The following NRXN1 variants were observed in gnomAD, a reference collection of about 807,000 sequenced individuals.
NRXN1 encodes the protein neurexin 1.
NRXN1 carries 39 observed loss-of-function variants against 150.9 expected under a neutral mutation model. That is an observed-to-expected ratio of 0.26 (90% CI 0.20 to 0.34). NRXN1 has a LOEUF of 0.34. Among genes scored for constraint, NRXN1 ranks in the 10% least tolerant of loss-of-function variants. The pLI is 1.00. For synonymous variants in NRXN1, 924 were observed against 757.0 expected (o/e 1.22, Z -3.62); for missense variants, 1,815 against 1,949.9 (o/e 0.93, Z 1.30).
chr2:50,071,486 C>G (rs1302426594), intron 19 of NRXN1, among the ~76,000 whole-genome samples: 2 of 152,044 alleles, frequency 1.3e-5, no homozygotes, highest in Non-Finnish European at 2.9e-5. Context: ...AGACTGGACA[C>G]ACAAAGAGAC....
At chr2:50,678,873 T>C (rs1363064119) in intron 5 of NRXN1, among the ~76,000 whole-genome samples, 2 of 152,112 alleles carry the variant, frequency 1.3e-5, no homozygotes, top group South Asian at 4.1e-4. Flanking sequence ...TATATTTTAC[T>C]GGTTTTAGAC....
At chr2:50,471,194 C>T (rs1662871418) in intron 16 of NRXN1, among the ~76,000 whole-genome samples, 1 of 151,652 alleles carries the variant, frequency 6.6e-6, no homozygotes, top group Admixed American at 6.6e-5. Flanking sequence ...TTCAGTGAAC[C>T]TGTCACTCAA....
intron 17 of NRXN1, among the ~76,000 whole-genome samples, chr2:50,242,218 C>T (rs2066066154): frequency 6.6e-6 from 1 of 151,698 alleles, no homozygotes; most frequent in Non-Finnish European, 1.5e-5. Context: ...TTTATTCTTT[C>T]TACAACCTTT....
At chr2:50,712,599 C>T (rs1398686235) in intron 5 of NRXN1, among the ~76,000 whole-genome samples, 1 of 152,162 alleles carries the variant, frequency 6.6e-6, no homozygotes, top group African/African-American at 2.4e-5. Flanking sequence ...ACTAATAGAT[C>T]ACACAAAATA....
intron 5 of NRXN1, among the ~76,000 whole-genome samples, chr2:50,813,455 G>A (rs532264671): frequency 1.8e-4 from 27 of 152,082 alleles, no homozygotes; most frequent in African/African-American, 6.5e-4. Flanking sequence ...ATAGCATTAT[G>A]TATTATATTG....
At chr2:50,654,591 T>C (rs918670412) in intron 5 of NRXN1, among the ~76,000 whole-genome samples, 3 of 152,156 alleles carry the variant, frequency 2.0e-5, no homozygotes, top group African/African-American at 7.2e-5. Context: ...TCTAGATCCC[T>C]GAGGAATCGC....
intron 8 of NRXN1, among the ~76,000 whole-genome samples, chr2:50,593,059 C>T (rs1176068279): frequency 1.3e-5 from 2 of 152,238 alleles, no homozygotes; most frequent in African/African-American, 2.4e-5. Context: ...CACCTTGATG[C>T]TCTGCTCTCA....
At chr2:50,483,807 G>A (rs185033384) in intron 15 of NRXN1, among the ~76,000 whole-genome samples, 5 of 152,288 alleles carry the variant, frequency 3.3e-5, no homozygotes, top group African/African-American at 1.2e-4. Context: ...AGAAATGACT[G>A]TTCTGGAAAT....
intron 2 of NRXN1, among the ~76,000 whole-genome samples, chr2:50,971,841 A>G (rs900610188): frequency 6.6e-6 from 1 of 152,116 alleles, no homozygotes. Flanking sequence ...ACGCATTTAC[A>G]GGACAATTAT....
chr2:50,189,478 A>G (rs1051487816), intron 18 of NRXN1, among the ~76,000 whole-genome samples: 2 of 152,222 alleles, frequency 1.3e-5, no homozygotes, highest in East Asian at 3.9e-4. Flanking sequence ...ACAAACCTGC[A>G]TGTTCTGCAC....
At chr2:50,356,787 C>T (rs954506663) in intron 17 of NRXN1, among the ~76,000 whole-genome samples, 14 of 152,244 alleles carry the variant, frequency 9.2e-5, no homozygotes, top group Middle Eastern at 3.4e-3. Flanking sequence ...ATATTTAACA[C>T]GACAGGTATT....
chr2:50,113,917 A>T (rs4971556), intron 18 of NRXN1, among the ~76,000 whole-genome samples: 41,837 of 152,046 alleles, frequency 0.28, 6,171 homozygotes, highest in Admixed American at 0.4. Flanking sequence ...CTATGTACAC[A>T]GGAGACTATG....
intron 17 of NRXN1, among the ~76,000 whole-genome samples, chr2:50,350,407 C>A (rs1388673036): frequency 6.6e-6 from 1 of 152,094 alleles, no homozygotes; most frequent in Non-Finnish European, 1.5e-5. Flanking sequence ...CTAAAAAGAC[C>A]TAAAATAGCG....
chr2:50,084,421 C>A (rs1698481548), intron 19 of NRXN1, among the ~76,000 whole-genome samples: 1 of 152,154 alleles, frequency 6.6e-6, no homozygotes. Flanking sequence ...TGATGGGGGA[C>A]CCTGCGCACT....
At chr2:50,868,401 G>C (rs1677275956) in intron 5 of NRXN1, among the ~76,000 whole-genome samples, 1 of 126,308 alleles carries the variant, frequency 7.9e-6, no homozygotes, top group Admixed American at 8.5e-5. Flanking sequence ...GGAAGGGTGG[G>C]ATGGAGGGAG....
intron 18 of NRXN1, among the ~76,000 whole-genome samples, chr2:50,123,069 C>T (rs1704088587): frequency 6.6e-6 from 1 of 152,158 alleles, no homozygotes; most frequent in African/African-American, 2.4e-5. Flanking sequence ...TTTCAACTTA[C>T]ATTTACCAAT....
intron 17 of NRXN1, among the ~76,000 whole-genome samples, chr2:50,289,052 C>G (rs919662099): frequency 2.6e-5 from 4 of 151,986 alleles, no homozygotes; most frequent in Non-Finnish European, 4.4e-5. Flanking sequence ...CTAGTAGCAA[C>G]TCACAGTATA....
intron 2 of NRXN1, among the ~76,000 whole-genome samples, chr2:51,025,903 TG>T (rs1177568056): frequency 1.3e-5 from 2 of 152,152 alleles, no homozygotes; most frequent in Non-Finnish European, 2.9e-5. Flanking sequence ...CAAAATATAA[TG>T]AAAAACAAAA....
Position 51,001,020 on chromosome 2 carries a change from T to TTACA in NRXN1, c.772+26478_772+26481dup, listed in dbSNP as rs1699974522. On this transcript the variant is annotated intron_variant, in intron 2 of 22. Coordinates refer to ENST00000401669, the MANE Select transcript of NRXN1 (RefSeq NM_001330078.2). ...TTGAGACTTGTAAGGATGTAAGAGC[T>TTACA]TACAACAAAAGAACATAGGAAAGTG... 2.0e-5 allele frequency among the ~76,000 whole-genome samples: 3 copies of TTACA among 151,924 alleles called. No individual in the cohort carries two copies. In the South Asian group the frequency reaches 6.2e-4, roughly 31 times the overall value.
Sources: gnomAD v4.1 joint callset for allele counts (sites outside exome capture counted in the v4.1 genomes callset) on GRCh38, gnomAD v4.1.1 for gene constraint, MANE v1.5 for transcripts, NCBI Gene and HGNC (gene_info 2026-07-23, HGNC 2026-07-21) for gene names.